Variants in GNLY observed in about 807,000 individuals in gnomAD.
GNLY encodes granulysin, also known as T-cell activation protein 519.
GNLY carries 15 observed loss-of-function variants against 18.5 expected under a neutral mutation model. The observed-to-expected ratio is 0.81, with a 90% confidence interval of 0.54 to 1.25. GNLY has a LOEUF of 1.25. GNLY is among the 50% of genes most tolerant of loss of function. GNLY has a pLI of 0.00. For missense variants in GNLY, 178 were observed against 186.9 expected (o/e 0.95, Z 0.28); for synonymous variants, 77 against 74.9 (o/e 1.03, Z -0.14).
Position 85,694,432 on chromosome 2 carries a change from C to G in GNLY, c.14C>G (p.Ala5Gly). Residue 5 changes from alanine to glycine, a missense_variant, in exon 1 of 5, where the codon GCC becomes GGC. By Grantham distance (60) the Ala-to-Gly change is moderately conservative. Coordinates refer to ENST00000263863, the MANE Select transcript of GNLY (RefSeq NM_006433.5). ...GGCTGCCCCACCATGGCTACCTGGG[C>G]CCTCCTGCTCCTTGCAGCCATGCTC... Reference protein sequence around the residue: MATWALLLLAAMLLG... With the variant: MATWGLLLLAAMLLG... 1.9e-6 allele frequency: 3 copies of G among 1,614,032 alleles called. No individual in the cohort carries two copies. The highest frequency in any genetic ancestry group is 2.5e-6 in the Non-Finnish European group (3 of 1,179,940).
At position 85,698,557 on chromosome 2, in the gene GNLY, T is replaced by G. The variant is rs4240202; in HGVS notation, c.428-7T>G. On this transcript the variant is annotated splice_polypyrimidine_tract_variant and splice_region_variant and intron_variant, in intron 4 of 4. Coordinates refer to ENST00000263863, the MANE Select transcript of GNLY (RefSeq NM_006433.5). ...CTGCCCACAGCTGGCTGTTCTCTCC[T>G]CTCCAGGTCCCCTCTGAGCCCTCTC... 636,126 of 1,609,518 alleles carry G rather than the reference T, an allele frequency of 0.4. 127,853 individuals carry two copies. The highest frequency in any genetic ancestry group is 0.58 in the East Asian group (26,170 of 44,810).
At chr2:85,697,463 G>A (rs891448208) in intron 3 of GNLY, 43 bp from the exon 4 acceptor site, 3 of 1,570,890 alleles carry the variant, frequency 1.9e-6, no homozygotes, top group Non-Finnish European at 1.7e-6. Context: ...AGCTGGGCAG[G>A]ACTCACCCTA....
chr2:85,695,788 G>T (rs1315990991), intron 2 of GNLY, among the ~76,000 whole-genome samples, 170 bp from the exon 3 acceptor site: 1 of 152,188 alleles, frequency 6.6e-6, no homozygotes, highest in African/African-American at 2.4e-5. Context: ...CAAGCAAAAG[G>T]GTGGGCAGGG....
At chr2:85,697,478 C>A in intron 3 of GNLY, 28 bp from the exon 4 acceptor site, 1 of 1,605,506 alleles carries the variant, frequency 6.2e-7, no homozygotes, top group Non-Finnish European at 8.5e-7. Flanking sequence ...ACCCTATAAC[C>A]ATGTCCACTG....
chr2:85,695,665 C>G (rs1678414252), intron 2 of GNLY, among the ~76,000 whole-genome samples: 2 of 152,132 alleles, frequency 1.3e-5, no homozygotes, highest in African/African-American at 4.8e-5. Flanking sequence ...GCTGCAGAAC[C>G]CAAATAGGCA....
chr2:85,695,185 A>C, intron 1 of GNLY, 135 bp from the exon 2 acceptor site: 1 of 810,148 alleles, frequency 1.2e-6, no homozygotes, highest in Non-Finnish European at 2.0e-6. Flanking sequence ...GCATGTGGAC[A>C]GGTATCCTGG....
intron 1 of GNLY, chr2:85,694,935 C>T (rs1436888432): frequency 6.3e-7 from 1 of 1,579,968 alleles, no homozygotes; most frequent in Non-Finnish European, 8.6e-7. Flanking sequence ...TCAGTGTGAG[C>T]CCCAAGGGCA....
At chr2:85,695,550 A>G in intron 2 of GNLY, 127 bp downstream of exon 2, 1 of 661,508 alleles carries the variant, frequency 1.5e-6, no homozygotes, top group South Asian at 1.7e-5. Context: ...GCTGTTTCTG[A>G]CGATGCTGGT....
chr2:85,695,438 T>C lies in GNLY; in HGVS notation c.156+15T>C, dbSNP rs75686390. The C allele has an allele frequency of 0.046, 66,481 of 1,442,818 alleles. 1,670 individuals carry two copies. Among genetic ancestry groups the C allele is most frequent in the Middle Eastern group, 0.068 (384 of 5,624 alleles). The allele number at this position is 1,442,818 out of a possible 1,614,324, so 89.4% of individuals were successfully genotyped here. Reference sequence around the variant, plus strand: ...AGGGCCCCCAGGTACGTGTTGGCTCTCTGCTCACCTGCCACAGTCCCTCTC... The same window carrying C: ...AGGGCCCCCAGGTACGTGTTGGCTCCCTGCTCACCTGCCACAGTCCCTCTC... On this transcript the variant is annotated intron_variant, in intron 2 of 4. Transcript: ENST00000263863.
chr2:85,698,346 CG>C (rs1678540464), intron 4 of GNLY: 3 of 746,328 alleles, frequency 4.0e-6, no homozygotes, highest in Non-Finnish European at 7.1e-6. Flanking sequence ...GCTGGCAGAT[CG>C]GGGGTCCCCA....
At chr2:85,698,541 G>T in intron 4 of GNLY, 23 bp from the exon 5 acceptor site, 1 of 1,613,244 alleles carries the variant, frequency 6.2e-7, no homozygotes, top group Non-Finnish European at 8.5e-7. Context: ...TCTGCCCACA[G>T]CTGGCTGTTC....
At chr2:85,695,102 C>A in intron 1 of GNLY, 2 of 1,165,650 alleles carry the variant, frequency 1.7e-6, no homozygotes, top group Non-Finnish European at 2.5e-6. Context: ...GAGTCTCGCC[C>A]TCCTGGCTTT....
intron 3 of GNLY, chr2:85,696,373 T>C (rs1346460642): frequency 6.8e-6 from 2 of 294,992 alleles, no homozygotes; most frequent in Non-Finnish European, 1.3e-5. Flanking sequence ...AGGCAGAGTT[T>C]GAGAAGCTAG....
At chr2:85,697,451 A>G in intron 3 of GNLY, 55 bp from the exon 4 acceptor site, 1 of 1,495,896 alleles carries the variant, frequency 6.7e-7, no homozygotes, top group Non-Finnish European at 9.3e-7. Context: ...GCAGGGTGGC[A>G]GAGCTGGGCA....
chr2:85,698,629 GA>G lies in GNLY; in HGVS notation c.*57del. The G allele has an allele frequency of 6.2e-7, 1 of 1,612,488 alleles. No individual in the cohort carries two copies. ...ACAGGCTCCTGTCCTCAGATCCCGG[GA>G]ACCTCAGCAACCTCTGCCGGCTCCT... On this transcript the variant is annotated 3_prime_UTR_variant, in exon 5 of 5. Coordinates refer to ENST00000263863, the MANE Select transcript of GNLY (RefSeq NM_006433.5).
At position 85,698,644 on chromosome 2, in the gene GNLY, C is replaced by T. The variant is rs764242913; in HGVS notation, c.*70C>T. On this transcript the variant is annotated 3_prime_UTR_variant, in exon 5 of 5. Transcript: ENST00000263863. ...CAGATCCCGGGAACCTCAGCAACCT[C>T]TGCCGGCTCCTCGCTTCCTCGATCC... is the stretch of plus-strand genomic sequence containing the variant. The T allele has an allele frequency of 2.4e-5, 38 of 1,612,794 alleles. No individual in the cohort carries two copies. The highest frequency in any genetic ancestry group is 3.2e-5 in the Non-Finnish European group (38 of 1,179,888).
chr2:85,698,463 T>C, intron 4 of GNLY, 101 bp from the exon 5 acceptor site: 1 of 1,603,098 alleles, frequency 6.2e-7, no homozygotes, highest in Non-Finnish European at 8.5e-7. Flanking sequence ...TTCAGTAGGG[T>C]CAGGTGGCTC....
At chr2:85,694,989 G>C in intron 1 of GNLY, 1 of 1,585,018 alleles carries the variant, frequency 6.3e-7, no homozygotes, top group Non-Finnish European at 8.5e-7. Flanking sequence ...GGGCCATCTG[G>C]ATGGAAGGTA....
In GNLY at chr2:85,696,084, T is replaced by A; in HGVS notation, c.255+28T>A. On this transcript the variant is annotated intron_variant, in intron 3 of 4. Transcript: ENST00000263863. ...GAGGCCAAGGGGCTACAGAGCCTCC[T>A]GTCTGCTGCTCAATGGAGGGGCCAG... The A allele has an allele frequency of 3.1e-6, 4 of 1,279,968 alleles. No homozygotes were observed. The South Asian group carries it at 4.8e-5, about 15-fold the overall frequency. The allele number at this position is 1,279,968 out of a possible 1,614,324, so 79.3% of individuals were successfully genotyped here. A position where few individuals can be genotyped will look rare whatever the true frequency, so the allele number is the denominator to read the frequency against.
Sources: allele counts gnomAD v4.1 joint callset (sites outside exome capture counted in the v4.1 genomes callset), GRCh38; gene constraint gnomAD v4.1.1; transcripts MANE v1.5; gene names NCBI Gene and HGNC (gene_info 2026-07-23, HGNC 2026-07-21).